The following PLEKHA8 variants were observed in gnomAD, a reference collection of about 807,000 sequenced individuals.
PLEKHA8 encodes pleckstrin homology domain containing A8.
Under a neutral mutation model 68.2 loss-of-function variants are expected in PLEKHA8, and 36 were observed. The ratio of observed to expected loss-of-function variants is 0.53; its 90% CI spans 0.40 to 0.70. The LOEUF (loss-of-function observed/expected upper bound fraction) is 0.70. Ranked by LOEUF, PLEKHA8 falls within the 30% of genes least tolerant of loss-of-function variation. PLEKHA8 has a pLI of 0.00. For synonymous variants in PLEKHA8, 211 were observed against 216.1 expected (o/e 0.98, Z 0.20); for missense variants, 505 against 615.4 (o/e 0.82, Z 1.90).
rs561507443 is a variant in PLEKHA8 at position 30,075,733 on chromosome 7, G to T, written c.1362+1601G>T. Among the ~76,000 whole-genome samples, 7 of 152,262 alleles carry T rather than the reference G, an allele frequency of 4.6e-5. No homozygotes were observed. The East Asian group carries it at 9.6e-4, about 21-fold the overall frequency. On this transcript the variant is annotated intron_variant, in intron 13 of 13. Transcript: ENST00000449726. ...CCCCAAAACAAGTGTGGGGGGAAGG[G>T]TTCAGTATAGAATGCAAAATTTAAT...
intron 13 of PLEKHA8, among the ~76,000 whole-genome samples, chr7:30,118,828 G>A (rs1796649207): frequency 6.6e-6 from 1 of 152,218 alleles, no homozygotes; most frequent in Non-Finnish European, 1.5e-5. Context: ...CCGCCCGTCT[G>A]AGGCCCATCT....
intron 13 of PLEKHA8, among the ~76,000 whole-genome samples, chr7:30,103,498 A>G (rs7384895): frequency 6.6e-6 from 1 of 152,242 alleles, no homozygotes; most frequent in Non-Finnish European, 1.5e-5. Flanking sequence ...GAAAATTAGC[A>G]AAGTTGGGAG....
chr7:30,074,278 G>A, intron 13 of PLEKHA8, 146 bp downstream of exon 13: 3 of 577,890 alleles, frequency 5.2e-6, no homozygotes, highest in Admixed American at 3.6e-5. Context: ...GTGTGTATGT[G>A]TGGTGTTTTT....
intron 13 of PLEKHA8, among the ~76,000 whole-genome samples, chr7:30,109,491 G>A (rs1583477878): frequency 6.7e-6 from 1 of 150,190 alleles, no homozygotes; most frequent in East Asian, 2.0e-4. Flanking sequence ...GGGAGGCTTA[G>A]GCAGGAGAAA....
At chr7:30,070,012 C>G (rs946057162) in intron 12 of PLEKHA8, among the ~76,000 whole-genome samples, 2 of 152,064 alleles carry the variant, frequency 1.3e-5, no homozygotes, top group Non-Finnish European at 1.5e-5. Flanking sequence ...ATTTCATTAT[C>G]TAATCTTCTC....
intron 9 of PLEKHA8, among the ~76,000 whole-genome samples, chr7:30,056,080 C>T (rs1379599380): frequency 6.7e-6 from 1 of 150,334 alleles, no homozygotes; most frequent in Non-Finnish European, 1.5e-5. Context: ...GTAGCTGGGA[C>T]TTCAGGTGCC....
At chr7:30,047,155 T>C (rs1792024006) in intron 3 of PLEKHA8, among the ~76,000 whole-genome samples, 1 of 152,220 alleles carries the variant, frequency 6.6e-6, no homozygotes, top group African/African-American at 2.4e-5. Context: ...CTTTTAATGC[T>C]AAATTGGTAA....
downstream of PLEKHA8, among the ~76,000 whole-genome samples, chr7:30,093,044 G>T (rs1404495685): frequency 6.6e-6 from 1 of 152,114 alleles, no homozygotes; most frequent in Non-Finnish European, 1.5e-5. Flanking sequence ...CTTTGGTGAG[G>T]TTACCAGATT....
chr7:30,081,653 T>C lies in PLEKHA8; in HGVS notation c.*2866T>C, dbSNP rs543186551. 1.0e-6 allele frequency: 1 copy of C among 985,344 alleles called. No homozygotes were observed. The highest frequency in any genetic ancestry group is 1.1e-4 in the East Asian group (1 of 8,820). The allele number at this position is 985,344 out of a possible 1,614,324, so 61.0% of individuals were successfully genotyped here. On this transcript the variant is annotated 3_prime_UTR_variant, in exon 14 of 14. Coordinates refer to ENST00000449726, the MANE Select transcript of PLEKHA8 (RefSeq NM_001197026.2). ...AGTATTTTGTTGGCAGAGTAATCAC[T>C]TTGTTCTCATCGCTCAAAGCATTTT...
rs1177544210 is a variant in PLEKHA8, at chr7:30,082,690, T to C, written c.*3903T>C. On this transcript the variant is annotated 3_prime_UTR_variant, in exon 14 of 14. Transcript: ENST00000449726. ...AAATATGTGATAGGGACCAAATAAG[T>C]AAAGTACATTTTTCTCCACTAAATT... is the stretch of plus-strand genomic sequence containing the variant. The C allele has an allele frequency of 2.0e-6, 2 of 984,836 alleles. No individual in the cohort carries two copies. The highest frequency in any genetic ancestry group is 1.2e-6 in the Non-Finnish European group (1 of 829,540). The allele number at this position is 984,836 out of a possible 1,614,324, so 61.0% of individuals were successfully genotyped here.
At chr7:30,122,572 C>G (rs934534466) in intron 13 of PLEKHA8, among the ~76,000 whole-genome samples, 1 of 152,194 alleles carries the variant, frequency 6.6e-6, no homozygotes, top group African/African-American at 2.4e-5. Flanking sequence ...CTCAGTACCC[C>G]CTTCCATTGA....
In PLEKHA8 at chr7:30,050,441, A is replaced by T; in HGVS notation, c.605A>T (p.His202Leu). The T allele has an allele frequency of 6.3e-7, 1 of 1,579,806 alleles. No individual in the cohort carries two copies. Residue 202 changes from histidine (H) to leucine (L), a missense_variant, in exon 6 of 14, where the codon CAT becomes CTT. His to Leu is a moderately conservative substitution (Grantham distance 99). Coordinates refer to ENST00000449726, the MANE Select transcript of PLEKHA8 (RefSeq NM_001197026.2). The part of the protein sequence containing the change: ...LAMLKSSKMK[H>L]PIIPIHNSLE... ...TCTTTGCTTCTTTTAAAGATGAAACATCCTATTATACCAATTCATAATTCA... is the reference window on the plus strand; with the variant it reads ...TCTTTGCTTCTTTTAAAGATGAAACTTCCTATTATACCAATTCATAATTCA...
At chr7:30,116,575 A>G (rs1445062553) in intron 13 of PLEKHA8, among the ~76,000 whole-genome samples, 1 of 152,204 alleles carries the variant, frequency 6.6e-6, no homozygotes, top group Non-Finnish European at 1.5e-5. Flanking sequence ...AAAAAAGGGA[A>G]TAGCTGCACT....
At chr7:30,060,792 G>A in intron 9 of PLEKHA8, 92 bp from the exon 10 acceptor site, 1 of 985,788 alleles carries the variant, frequency 1.0e-6, no homozygotes, top group Non-Finnish European at 1.5e-6. Flanking sequence ...TAAAGTTGTT[G>A]GGGATCTGCT....
rs1343905190 is a variant in PLEKHA8, at chr7:30,084,510, T to G, written c.*5723T>G. The G allele has an allele frequency of 6.1e-6, 6 of 985,418 alleles. No homozygotes were observed. Among genetic ancestry groups the G allele is most frequent in the Middle Eastern group, 5.2e-4 (1 of 1,914 alleles). The allele number at this position is 985,418 out of a possible 1,614,324, so 61.0% of individuals were successfully genotyped here. ...AGCGACAGTTTCATGTTTAGATTTG[T>G]ATTGTTTCTCTGTCCAAGTCCTTAT... On this transcript the variant is annotated 3_prime_UTR_variant, in exon 14 of 14. Coordinates refer to ENST00000449726, the MANE Select transcript of PLEKHA8 (RefSeq NM_001197026.2).
downstream of PLEKHA8, among the ~76,000 whole-genome samples, chr7:30,094,256 G>A (rs1644116727): frequency 6.6e-6 from 1 of 150,802 alleles, no homozygotes; most frequent in South Asian, 2.1e-4. Flanking sequence ...TTAGGGATTG[G>A]TAGGAGAGCA....
rs1793479108 is a variant in PLEKHA8, at chr7:30,061,992, G to A, written c.1194G>A (p.Arg398=). Residue 398 remains arginine, a synonymous_variant, in exon 11 of 14, where the codon AGG becomes AGA. Coordinates refer to ENST00000449726, the MANE Select transcript of PLEKHA8 (RefSeq NM_001197026.2). The stretch of plus-strand genomic sequence containing the variant: ...TGGAGGCGGATGTAGCCCAGGTTAG[G>A]AACTCAGCGACTGAAGCCCTCTTGT... ...HEVEADVAQV[R]NSATEALLWL... The A allele has an allele frequency of 6.2e-7, 1 of 1,613,726 alleles. No individual in the cohort carries two copies. Among genetic ancestry groups the A allele is most frequent in the Non-Finnish European group, 8.5e-7 (1 of 1,179,926 alleles).
At chr7:30,125,804 TG>T (rs1280473568) in intron 13 of PLEKHA8, among the ~76,000 whole-genome samples, 1 of 152,216 alleles carries the variant, frequency 6.6e-6, no homozygotes, top group Non-Finnish European at 1.5e-5. Flanking sequence ...GTCTCATAAT[TG>T]TTATATCTCA....
intron 7 of PLEKHA8, 22 bp downstream of exon 7, chr7:30,052,888 GAAAC>G (rs1411881432): frequency 6.5e-7 from 1 of 1,545,856 alleles, no homozygotes; most frequent in African/African-American, 1.4e-5. Context: ...AGTAAAGTCT[GAAAC>G]AAACCAATTT....
Sources: allele counts gnomAD v4.1 joint callset (sites outside exome capture counted in the v4.1 genomes callset), GRCh38; gene constraint gnomAD v4.1.1; transcripts MANE v1.5; gene names NCBI Gene and HGNC (gene_info 2026-07-23, HGNC 2026-07-21).